LAMA1: variants seen among roughly 807,000 people sequenced by gnomAD.
LAMA1 encodes laminin subunit alpha 1, also known as laminin subunit alpha-1.
Under a neutral mutation model 348.7 loss-of-function variants are expected in LAMA1, and 219 were observed. The observed-to-expected ratio is 0.63, with a 90% CI of 0.56 to 0.70. The LOEUF (loss-of-function observed/expected upper bound fraction) is 0.70, where lower values mean the gene tolerates loss of function less well. Among genes scored for constraint, LAMA1 ranks in the 30% least tolerant of loss-of-function variants. The pLI is 0.00. For synonymous variants in LAMA1, 1,487 were observed against 1,491.0 expected (o/e 1.00, Z 0.06); for missense variants, 3,744 against 3,888.0 (o/e 0.96, Z 0.99).
chr18:7,016,466 C>G, intron 21 of LAMA1, 25 bp downstream of exon 21: 3 of 1,614,042 alleles, frequency 1.9e-6, no homozygotes, highest in Non-Finnish European at 2.5e-6. Flanking sequence ...ACTACAAAGT[C>G]TCAAACAAGG....
chr18:6,983,927 A>G (rs73938526), intron 39 of LAMA1, among the ~76,000 whole-genome samples: 3,502 of 152,304 alleles, frequency 0.023, 107 homozygotes, highest in African/African-American at 0.077. Context: ...CCCAGACCGA[A>G]TATTAGCAGC....
At chr18:6,975,641 A>G (rs2144036293) in intron 45 of LAMA1, among the ~76,000 whole-genome samples, 1 of 152,296 alleles carries the variant, frequency 6.6e-6, no homozygotes, top group South Asian at 2.1e-4. Flanking sequence ...AAGCTTGACA[A>G]TTCTGCTACT....
chr18:7,016,162 C>A (rs2057886769), intron 21 of LAMA1, among the ~76,000 whole-genome samples: 1 of 152,148 alleles, frequency 6.6e-6, no homozygotes, highest in Non-Finnish European at 1.5e-5. Flanking sequence ...AGGCCCAATG[C>A]CATGCTGAGG....
chr18:7,076,571 C>A (rs1008169163), intron 3 of LAMA1, among the ~76,000 whole-genome samples: 1 of 151,484 alleles, frequency 6.6e-6, no homozygotes, highest in Non-Finnish European at 1.5e-5. Flanking sequence ...TATTCAATAG[C>A]ATTTTTTTTA....
intron 44 of LAMA1, among the ~76,000 whole-genome samples, chr18:6,976,696 T>C (rs2057684095): frequency 6.6e-6 from 1 of 152,020 alleles, no homozygotes; most frequent in Admixed American, 6.6e-5. Flanking sequence ...AGCCTTGAAC[T>C]CCTAGGCTTG....
At position 7,013,802 on chromosome 18, in the gene LAMA1, G is replaced by A. The variant is rs564458188; in HGVS notation, c.3363+13C>T. 1 of 1,609,448 alleles carries A rather than the reference G, an allele frequency of 6.2e-7. No individual in the cohort carries two copies. Among genetic ancestry groups the A allele is most frequent in the South Asian group, 1.1e-5 (1 of 90,234 alleles). On this transcript the variant is annotated intron_variant, in intron 23 of 62. Transcript: ENST00000389658. ...CAGAGACAGGATGAAAGAGGAGGAT[G>A]GATGGTAAATACCTTGCAAGGGCAG...
In LAMA1 at chr18:7,010,238, T is replaced by G; in HGVS notation, c.3835A>C (p.Asn1279His). 6.2e-7 allele frequency: 1 copy of G among 1,614,174 alleles called. No homozygotes were observed. The highest frequency in any genetic ancestry group is 8.5e-7 in the Non-Finnish European group (1 of 1,180,034). ...ACTTCTTGTTCCTGTCTCACTCCAT[T>G]CTCTGGGGCTGGTGCATCCATGTAA... ...VIYMDAPAPE[N>H]GVRQEQEVAM... The change falls in exon 26 of 63, where the codon AAT becomes CAT. Residue 1279 changes from asparagine to histidine, a missense_variant. Transcript: ENST00000389658.
intron 3 of LAMA1, among the ~76,000 whole-genome samples, chr18:7,056,417 GC>G (rs1436928230): frequency 1.3e-5 from 2 of 152,180 alleles, no homozygotes; most frequent in Non-Finnish European, 2.9e-5. Context: ...TTTACCACGT[GC>G]GTGTTAAGAG....
intron 41 of LAMA1, among the ~76,000 whole-genome samples, chr18:6,981,772 G>T (rs563553810): frequency 2.2e-4 from 33 of 152,284 alleles, no homozygotes; most frequent in African/African-American, 7.7e-4. Context: ...CCTGTAAAGG[G>T]TATGAGCTGT....
At chr18:7,095,122 TTCTCTCTC>T (rs71165720) in intron 1 of LAMA1, among the ~76,000 whole-genome samples, 5,070 of 126,488 alleles carry the variant, frequency 0.04, 255 homozygotes, top group African/African-American at 0.13. Flanking sequence ...CTCAGGACCT[TTCTCTCTC>T]TCTCTCTCTC....
chr18:6,988,927 TG>T (rs2057747346), intron 36 of LAMA1, among the ~76,000 whole-genome samples: 2 of 3,728 alleles, frequency 5.4e-4, no homozygotes, highest in Non-Finnish European at 7.4e-4. Flanking sequence ...CGTGGCGGGC[TG>T]GATGGAGTCT....
intron 3 of LAMA1, among the ~76,000 whole-genome samples, chr18:7,052,583 C>A (rs535931629): frequency 6.6e-6 from 1 of 151,844 alleles, no homozygotes; most frequent in Non-Finnish European, 1.5e-5. Context: ...AAAAATTAGC[C>A]GGCCGTGGAG....
chr18:6,987,683 A>G (rs918264879), intron 36 of LAMA1, among the ~76,000 whole-genome samples: 1 of 152,210 alleles, frequency 6.6e-6, no homozygotes, highest in African/African-American at 2.4e-5. Flanking sequence ...AAACACCCTC[A>G]GCTTTCACAG....
Position 7,034,709 on chromosome 18 carries a change from A to T in LAMA1, c.1840-19T>A, listed in dbSNP as rs201322260. On this transcript the variant is annotated intron_variant, in intron 13 of 62. Transcript: ENST00000389658. The stretch of plus-strand genomic sequence containing the variant: ...CGTTTCCCTAACATTTAAAAACAAG[A>T]GAAAATATATTTGTCATTCAATTTA... 15 of 1,590,998 alleles carry T rather than the reference A, an allele frequency of 9.4e-6. No homozygotes were observed. In the African/African-American group the frequency reaches 2.0e-4, roughly 21 times the overall value.
chr18:7,078,563 T>C (rs1783407171), intron 3 of LAMA1, among the ~76,000 whole-genome samples: 1 of 152,246 alleles, frequency 6.6e-6, no homozygotes. Flanking sequence ...TATTTTACTT[T>C]CATAATACTG....
At chr18:7,085,880 G>A (rs1353812613) in intron 1 of LAMA1, among the ~76,000 whole-genome samples, 2 of 152,136 alleles carry the variant, frequency 1.3e-5, no homozygotes, top group Non-Finnish European at 2.9e-5. Context: ...ACTACAAATA[G>A]CATGATTTAG....
Position 6,951,080 on chromosome 18 carries a change from GGA to G in LAMA1, c.8208-111_8208-110del, listed in dbSNP as rs916230821. 33 of 915,326 alleles carry G rather than the reference GGA, an allele frequency of 3.6e-5. No individual in the cohort carries two copies. In the African/African-American group the frequency reaches 4.6e-4, roughly 13 times the overall value. 56.7% of individuals were successfully genotyped at this position (915,326 alleles called of 1,614,324 possible). ...TTCAGCGTTTACATTGAACATCTCA[GGA>G]GAGAGGGGTATTCATTCCTTCATCC... On this transcript the variant is annotated intron_variant, in intron 57 of 62. Coordinates refer to ENST00000389658, the MANE Select transcript of LAMA1 (RefSeq NM_005559.4).
At chr18:6,988,008 G>A (rs1227112874) in intron 36 of LAMA1, among the ~76,000 whole-genome samples, 1 of 152,152 alleles carries the variant, frequency 6.6e-6, no homozygotes, top group Non-Finnish European at 1.5e-5. Flanking sequence ...CAGCTACCCA[G>A]GAGGCTGAGG....
chr18:7,082,840 A>G (rs1311740096), intron 1 of LAMA1, among the ~76,000 whole-genome samples: 2 of 152,192 alleles, frequency 1.3e-5, no homozygotes, highest in Non-Finnish European at 2.9e-5. Context: ...TTCACAATGC[A>G]TTTCTCTATT....
Sources: allele counts gnomAD v4.1 joint callset (sites outside exome capture counted in the v4.1 genomes callset), GRCh38; gene constraint gnomAD v4.1.1; transcripts MANE v1.5; gene names NCBI Gene and HGNC (gene_info 2026-07-23, HGNC 2026-07-21).